Variants in CCDC158 observed in about 807,000 individuals in gnomAD.
CCDC158 encodes the protein coiled-coil domain containing 158.
A neutral mutation model predicts 138.6 loss-of-function variants in CCDC158; 116 were observed. That is an observed-to-expected ratio of 0.84 (90% CI 0.72 to 0.98). The LOEUF (loss-of-function observed/expected upper bound fraction) is 0.98, where lower values mean the gene tolerates loss of function less well. Among genes scored for constraint, CCDC158 ranks in the 50% least tolerant of loss-of-function variants. The pLI is 0.00. For missense variants in CCDC158, 1,265 were observed against 1,306.1 expected (o/e 0.97, Z 0.48); for synonymous variants, 436 against 442.4 (o/e 0.99, Z 0.18).
chr4:76,319,952 C>T (rs180744108), intron 24 of CCDC158, among the ~76,000 whole-genome samples: 311 of 152,112 alleles, frequency 2.0e-3, no homozygotes, highest in Non-Finnish European at 3.7e-3. Flanking sequence ...AGCAGTCAGA[C>T]GAGAGAAAGA....
chr4:76,386,340 C>T (rs1482780180), intron 4 of CCDC158, among the ~76,000 whole-genome samples: 3 of 152,232 alleles, frequency 2.0e-5, no homozygotes, highest in Admixed American at 1.3e-4. Flanking sequence ...CTGATTCACA[C>T]TTCAGCTGTG....
intron 18 of CCDC158, among the ~76,000 whole-genome samples, chr4:76,348,221 G>A (rs532853094): frequency 6.1e-5 from 9 of 146,948 alleles, no homozygotes; most frequent in African/African-American, 2.0e-4. Flanking sequence ...TCAGGAGATC[G>A]AGACCATCCT....
chr4:76,366,626 A>AC (rs1724690719), intron 12 of CCDC158, among the ~76,000 whole-genome samples: 2 of 25,630 alleles, frequency 7.8e-5, no homozygotes, highest in African/African-American at 1.8e-4. Flanking sequence ...CTGCTACATA[A>AC]ACACACACAC....
At chr4:76,380,097 T>C (rs2110292388) in intron 8 of CCDC158, among the ~76,000 whole-genome samples, 1 of 152,324 alleles carries the variant, frequency 6.6e-6, no homozygotes, top group Non-Finnish European at 1.5e-5. Flanking sequence ...TCTTGGATAG[T>C]TCTTTATAGT....
chr4:76,375,452 A>G, intron 9 of CCDC158: 1 of 575,666 alleles, frequency 1.7e-6, no homozygotes, highest in South Asian at 2.3e-5. Context: ...GTGCATTGGC[A>G]GAACTATGCA....
intron 18 of CCDC158, among the ~76,000 whole-genome samples, chr4:76,340,570 A>G (rs1721954761): frequency 1.3e-5 from 2 of 152,126 alleles, no homozygotes; most frequent in African/African-American, 4.8e-5. Flanking sequence ...CCAACATCCT[A>G]TCTTTGTGAA....
intron 12 of CCDC158, among the ~76,000 whole-genome samples, chr4:76,365,297 T>C (rs1234786772): frequency 1.3e-5 from 2 of 152,178 alleles, no homozygotes; most frequent in Admixed American, 1.3e-4. Context: ...TTTTTTCTTA[T>C]CAGATCACAG....
intron 2 of CCDC158, among the ~76,000 whole-genome samples, chr4:76,410,342 G>A (rs1729200282): frequency 1.3e-5 from 2 of 152,032 alleles, no homozygotes; most frequent in Admixed American, 1.3e-4. Flanking sequence ...GTGGCACCTT[G>A]CCCAACTAAT....
At chr4:76,352,554 A>T (rs1448921983) in intron 16 of CCDC158, 2 of 152,252 alleles carry the variant, frequency 1.3e-5, no homozygotes, top group African/African-American at 2.4e-5. Flanking sequence ...TTTCTTAGCA[A>T]TCAAGGATGG....
Position 76,367,381 on chromosome 4 carries a change from A to G in CCDC158, c.1743T>C (p.His581=), listed in dbSNP as rs1286920406. Residue 581 remains histidine (H), a synonymous_variant, in exon 12 of 25, where the codon CAT becomes CAC. Transcript: ENST00000682701. ...IENMTQLVGQ[H]GRTAGAMQVE... ...CTTGCATAGCTCCAGCAGTTCGTCCATGCTGGCCCACCAGCTGTGTCATGT... is the reference window on the plus strand; with the variant it reads ...CTTGCATAGCTCCAGCAGTTCGTCCGTGCTGGCCCACCAGCTGTGTCATGT... 1.2e-6 allele frequency: 2 copies of G among 1,614,252 alleles called. No individual in the cohort carries two copies. The highest frequency in any genetic ancestry group is 1.1e-5 in the South Asian group (1 of 91,090).
At chr4:76,365,358 T>C (rs1724552210) in intron 12 of CCDC158, among the ~76,000 whole-genome samples, 1 of 152,168 alleles carries the variant, frequency 6.6e-6, no homozygotes, top group Non-Finnish European at 1.5e-5. Context: ...ATGTTCTTTG[T>C]GTCTGTGTGA....
chr4:76,370,633 C>T (rs1006212035), intron 10 of CCDC158, among the ~76,000 whole-genome samples: 10 of 152,038 alleles, frequency 6.6e-5, no homozygotes, highest in South Asian at 2.1e-4. Flanking sequence ...AGGGGTTGAA[C>T]GAGAGGTGGT....
At chr4:76,393,547 G>A (rs1050991676) in intron 4 of CCDC158, among the ~76,000 whole-genome samples, 2 of 151,894 alleles carry the variant, frequency 1.3e-5, no homozygotes, top group East Asian at 3.9e-4. Flanking sequence ...AAACATTGGG[G>A]TCAACTTCTC....
At chr4:76,387,758 G>A (rs1726941384) in intron 4 of CCDC158, among the ~76,000 whole-genome samples, 1 of 151,554 alleles carries the variant, frequency 6.6e-6, no homozygotes, top group Admixed American at 6.6e-5. Flanking sequence ...GGGAGGCAGA[G>A]GTTGTAGTGA....
intron 9 of CCDC158, among the ~76,000 whole-genome samples, chr4:76,377,984 G>GTTT (rs1328336139): frequency 6.6e-6 from 1 of 152,164 alleles, no homozygotes; most frequent in Non-Finnish European, 1.5e-5. Flanking sequence ...TTGCATGTGT[G>GTTT]TTGGATCATA....
chr4:76,396,673 G>C (rs1414395552), intron 3 of CCDC158, among the ~76,000 whole-genome samples, 187 bp from the exon 4 acceptor site: 2 of 151,876 alleles, frequency 1.3e-5, no homozygotes, highest in African/African-American at 4.8e-5. Flanking sequence ...ACCATGCCGG[G>C]CTAATTTTTT....
At chr4:76,318,090 C>T (rs1578846604) in intron 24 of CCDC158, among the ~76,000 whole-genome samples, 1 of 152,068 alleles carries the variant, frequency 6.6e-6, no homozygotes, top group Admixed American at 6.5e-5. Context: ...TAAGGTCACA[C>T]CTCAAGGAAC....
intron 9 of CCDC158, among the ~76,000 whole-genome samples, chr4:76,376,035 GT>G (rs11316908): frequency 0.027 from 4,014 of 151,288 alleles, 174 homozygotes; most frequent in African/African-American, 0.092. Flanking sequence ...ACCTTTATTA[GT>G]TTCCTTTCAC....
chr4:76,328,355 T>C (rs769115469), intron 22 of CCDC158, among the ~76,000 whole-genome samples: 1 of 152,224 alleles, frequency 6.6e-6, no homozygotes, highest in Non-Finnish European at 1.5e-5. Context: ...AGCTCTTGTC[T>C]CACAGGGGTG....
Sources: gnomAD v4.1 joint callset for allele counts (sites outside exome capture counted in the v4.1 genomes callset) on GRCh38, gnomAD v4.1.1 for gene constraint, MANE v1.5 for transcripts, NCBI Gene and HGNC (gene_info 2026-07-23, HGNC 2026-07-21) for gene names.